The following TNFRSF8 variants were observed in gnomAD, a reference collection of about 807,000 sequenced individuals.
The protein encoded by TNFRSF8 is TNF receptor superfamily member 8.
In TNFRSF8, 26 loss-of-function variants were observed where a neutral mutation model predicts 70.8. The ratio of observed to expected loss-of-function variants is 0.37; its 90% CI spans 0.27 to 0.51. The LOEUF (loss-of-function observed/expected upper bound fraction) is 0.51. TNFRSF8 is among the 20% of genes least tolerant of loss of function. TNFRSF8 has a pLI of 0.94. For synonymous variants in TNFRSF8, 356 were observed against 339.2 expected (o/e 1.05, Z -0.54); for missense variants, 720 against 807.9 (o/e 0.89, Z 1.32).
At chr1:12,123,112 A>G (rs1641861575) in intron 8 of TNFRSF8, among the ~76,000 whole-genome samples, 172 bp from the exon 9 acceptor site, 1 of 152,190 alleles carries the variant, frequency 6.6e-6, no homozygotes, top group Non-Finnish European at 1.5e-5. Context: ...TACAGGTGTG[A>G]GCCAATGTGC....
intron 2 of TNFRSF8, 55 bp from the exon 3 acceptor site, chr1:12,097,046 C>T: frequency 7.1e-7 from 1 of 1,417,854 alleles, no homozygotes; most frequent in Non-Finnish European, 9.9e-7. Flanking sequence ...GGCATTGGGT[C>T]ATAAGGCCTT....
chr1:12,106,157 C>G (rs1641520586), intron 4 of TNFRSF8, among the ~76,000 whole-genome samples: 1 of 152,070 alleles, frequency 6.6e-6, no homozygotes, highest in Non-Finnish European at 1.5e-5. Context: ...GGATGTGATC[C>G]CAACACAGCC....
Position 12,142,325 on chromosome 1 carries a change from G to GGGACC in TNFRSF8, c.1584_1588dup (p.Val530GlyfsTer3). On this transcript the variant is annotated frameshift_variant, in exon 15 of 15. Coordinates refer to ENST00000263932, the MANE Select transcript of TNFRSF8 (RefSeq NM_001243.5). LOFTEE classifies it high-confidence loss of function. This position sits in a 1 kb window ranked among gnomAD's most constrained non-coding sequence, Gnocchi z 5.0. ...CATGAAGGCTGACACCGTGATCGTG[G>GGGACC]GGACCGTGAAGGCTGAGCTGCCGGA... The GGGACC allele has an allele frequency of 6.2e-7, 1 of 1,605,386 alleles. No individual in the cohort carries two copies.
intron 8 of TNFRSF8, 91 bp from the exon 9 acceptor site, chr1:12,123,193 G>T: frequency 8.8e-7 from 1 of 1,130,062 alleles, no homozygotes; most frequent in Non-Finnish European, 1.3e-6. Flanking sequence ...GTGTTGCCTC[G>T]CTGGAAGCCA....
At chr1:12,090,024 C>T (rs919728493) in intron 2 of TNFRSF8, among the ~76,000 whole-genome samples, 1 of 151,578 alleles carries the variant, frequency 6.6e-6, no homozygotes, top group Non-Finnish European at 1.5e-5. Flanking sequence ...CACCCATCCA[C>T]CTTTCCCCAT....
At chr1:12,083,174 A>G (rs560480438) in intron 1 of TNFRSF8, among the ~76,000 whole-genome samples, 1 of 152,232 alleles carries the variant, frequency 6.6e-6, no homozygotes, top group African/African-American at 2.4e-5. Flanking sequence ...GCTGACAAGG[A>G]TGTGGAGCAA....
At position 12,066,153 on chromosome 1, in the gene TNFRSF8, G is replaced by A. The variant is rs145547997; in HGVS notation, c.63+2492G>A. Among the ~76,000 whole-genome samples the A allele has an allele frequency of 2.5e-3, 387 of 152,222 alleles. 3 individuals carry two copies. Among genetic ancestry groups the A allele is most frequent in the African/African-American group, 9.0e-3 (373 of 41,540 alleles). On this transcript the variant is annotated intron_variant, in intron 1 of 14. Transcript: ENST00000263932. The stretch of plus-strand genomic sequence containing the variant: ...ATTTCTCGCCTACCGGGGAAGCTGA[G>A]CATCTCTCTGGGCTCAGGCACTAGG...
chr1:12,090,040 TATCTACCCATCC>T lies in TNFRSF8; in HGVS notation c.151+5505_151+5516del, dbSNP rs757287490. On this transcript the variant is annotated intron_variant, in intron 2 of 14. Transcript: ENST00000263932. ...ACCCATCCACCTTTCCCCATCCATC[TATCTACCCATCC>T]ATCTACCCATCCATCCATCTACCCA... Among the ~76,000 whole-genome samples, 611 of 113,628 alleles carry T rather than the reference TATCTACCCATCC, an allele frequency of 5.4e-3. 3 individuals carry two copies. Among genetic ancestry groups the T allele is most frequent in the Middle Eastern group, 0.031 (4 of 128 alleles). 74.5% of individuals were successfully genotyped at this position (113,628 alleles called of 152,430 possible). A position where few individuals can be genotyped will look rare whatever the true frequency, so the allele number is the denominator to read the frequency against.
At chr1:12,134,945 G>A (rs11569929) in intron 12 of TNFRSF8, among the ~76,000 whole-genome samples, 15 of 152,260 alleles carry the variant, frequency 9.9e-5, no homozygotes, top group Admixed American at 5.9e-4. Context: ...TGTGCTTCTC[G>A]TGAACCAATC....
At chr1:12,089,270 C>T (rs935991091) in intron 2 of TNFRSF8, among the ~76,000 whole-genome samples, 6 of 152,124 alleles carry the variant, frequency 3.9e-5, no homozygotes, top group Admixed American at 6.6e-5. Context: ...GATCCCCAGC[C>T]CTGACCCCAG....
chr1:12,124,196 A>G (rs1014656642), intron 10 of TNFRSF8, among the ~76,000 whole-genome samples: 1 of 151,662 alleles, frequency 6.6e-6, no homozygotes, highest in Non-Finnish European at 1.5e-5. Context: ...TTTAGTAGAG[A>G]CGGGGTTTTG....
At chr1:12,099,182 A>T (rs1238887110) in intron 3 of TNFRSF8, among the ~76,000 whole-genome samples, 2 of 151,650 alleles carry the variant, frequency 1.3e-5, no homozygotes, top group Non-Finnish European at 2.9e-5. Flanking sequence ...ACAGAGTCTG[A>T]CTCTGTCGCC....
Position 12,113,585 on chromosome 1 carries a change from A to G in TNFRSF8, c.793+1571A>G, listed in dbSNP as rs1335307278. On this transcript the variant is annotated intron_variant, in intron 7 of 14. Transcript: ENST00000263932. This position sits in a 1 kb window ranked among gnomAD's most constrained non-coding sequence, Gnocchi z 4.9. ...AGAGAGACAGAGAGAAAGAGACAGA[A>G]TGAGAGGGAGAGAGAGAGTGAGAGA... Among the ~76,000 whole-genome samples, 1 of 48,256 alleles carries G rather than the reference A, an allele frequency of 2.1e-5. No individual in the cohort carries two copies. Among genetic ancestry groups the G allele is most frequent in the Non-Finnish European group, 3.8e-5 (1 of 26,490 alleles). 31.7% of individuals were successfully genotyped at this position (48,256 alleles called of 152,430 possible). A position where few individuals can be genotyped will look rare whatever the true frequency, so the allele number is the denominator to read the frequency against.
intron 12 of TNFRSF8, among the ~76,000 whole-genome samples, chr1:12,131,169 G>A (rs371231881): frequency 6.6e-6 from 1 of 152,142 alleles, no homozygotes; most frequent in Non-Finnish European, 1.5e-5. Context: ...TTCTAAGTAG[G>A]CCAGGTGTAG....
At chr1:12,083,733 AT>A (rs1171235721) in intron 1 of TNFRSF8, among the ~76,000 whole-genome samples, 1 of 152,218 alleles carries the variant, frequency 6.6e-6, no homozygotes, top group Non-Finnish European at 1.5e-5. Context: ...AATTGTGCAT[AT>A]TTGTGTGATG....
Position 12,112,089 on chromosome 1 carries a change from C to A in TNFRSF8, c.793+75C>A, listed in dbSNP as rs1641643814. On this transcript the variant is annotated intron_variant, in intron 7 of 14. Coordinates refer to ENST00000263932, the MANE Select transcript of TNFRSF8 (RefSeq NM_001243.5). This position sits in a 1 kb window ranked among gnomAD's most constrained non-coding sequence, Gnocchi z 5.3. ...GAACCGTGAACTTCCAGTAACTACT[C>A]CCCCTTATGTTTGTGGGTTTTTGAT... The A allele has an allele frequency of 6.5e-6, 7 of 1,080,112 alleles. No individual in the cohort carries two copies. In the Admixed American group the frequency reaches 1.5e-4, roughly 23 times the overall value. The allele number at this position is 1,080,112 out of a possible 1,614,324, so 66.9% of individuals were successfully genotyped here. A position where few individuals can be genotyped will look rare whatever the true frequency, so the allele number is the denominator to read the frequency against.
chr1:12,127,488 A>C (rs1339370224), intron 12 of TNFRSF8, among the ~76,000 whole-genome samples: 2 of 152,200 alleles, frequency 1.3e-5, no homozygotes, highest in African/African-American at 4.8e-5. Flanking sequence ...CCACCATCGC[A>C]ATGCCTACCC....
At position 12,119,647 on chromosome 1, in the gene TNFRSF8, G is replaced by T. The variant is rs2101020495; in HGVS notation, c.947-3637G>T. On this transcript the variant is annotated intron_variant, in intron 8 of 14. Transcript: ENST00000263932. The surrounding 1 kb of genome is among the most constrained non-coding windows in gnomAD (Gnocchi z 4.4). ...GACAGGGTCTCACTCTGTGTTCCAG[G>T]CTGGAGTGCAGTGGCATGATCTTGG... 6.6e-6 allele frequency among the ~76,000 whole-genome samples: 1 copy of T among 151,256 alleles called. No individual in the cohort carries two copies. Among genetic ancestry groups the T allele is most frequent in the Admixed American group, 6.6e-5 (1 of 15,156 alleles).
At position 12,131,867 on chromosome 1, in the gene TNFRSF8, C is replaced by A. The variant is rs376726623; in HGVS notation, c.1310-3721C>A. Among the ~76,000 whole-genome samples the A allele has an allele frequency of 8.5e-5, 13 of 152,098 alleles. 2 individuals carry two copies. Among genetic ancestry groups the A allele is most frequent in the Admixed American group, 6.5e-5 (1 of 15,268 alleles). Reference sequence around the variant, plus strand: ...GGAGTGCAATGGCGCAATCTCAGCTCACTGCAACCTCTGCTTCCCGGGTTC... The same window carrying A: ...GGAGTGCAATGGCGCAATCTCAGCTAACTGCAACCTCTGCTTCCCGGGTTC... On this transcript the variant is annotated intron_variant, in intron 12 of 14. Coordinates refer to ENST00000263932, the MANE Select transcript of TNFRSF8 (RefSeq NM_001243.5).
Sources: gnomAD v4.1 joint callset for allele counts (sites outside exome capture counted in the v4.1 genomes callset) on GRCh38, gnomAD v4.1.1 for gene constraint, Gnocchi (gnomAD v3.1) non-coding constraint, MANE v1.5 for transcripts, NCBI Gene and HGNC (gene_info 2026-07-23, HGNC 2026-07-21) for gene names.